IMPG1: variants seen among roughly 807,000 people sequenced by gnomAD.
The protein encoded by IMPG1 is interphotoreceptor matrix proteoglycan of 150 kDa.
In IMPG1, 85 loss-of-function variants were observed where a neutral mutation model predicts 92.0. That is an observed-to-expected ratio of 0.92 (90% CI 0.78 to 1.11). The LOEUF (loss-of-function observed/expected upper bound fraction) is 1.11, where lower values mean the gene tolerates loss of function less well. Among genes scored for constraint, IMPG1 ranks in the 50% least tolerant of loss-of-function variants. The probability of loss-of-function intolerance (pLI) is 0.00; values close to 1 mark genes in which losing one functional copy is unlikely to be tolerated. For synonymous variants in IMPG1, 367 were observed against 334.1 expected (o/e 1.10, Z -1.08); for missense variants, 1,022 against 956.0 (o/e 1.07, Z -0.91).
intron 12 of IMPG1, among the ~76,000 whole-genome samples, chr6:75,974,392 TTTTC>T (rs1216206301): frequency 1.7e-5 from 1 of 59,524 alleles, no homozygotes; most frequent in East Asian, 5.8e-4. Flanking sequence ...TCTTTCTTTC[TTTTC>T]TTTCTTTCCT....
intron 12 of IMPG1, among the ~76,000 whole-genome samples, chr6:75,982,595 ATGTGTGT>A (rs2149470106): frequency 6.7e-6 from 1 of 149,824 alleles, no homozygotes; most frequent in Non-Finnish European, 1.5e-5. Context: ...AGATATATAT[ATGTGTGT>A]GTATATATAT....
At chr6:76,053,637 T>G (rs1035734496) in intron 1 of IMPG1, among the ~76,000 whole-genome samples, 2 of 152,150 alleles carry the variant, frequency 1.3e-5, no homozygotes, top group African/African-American at 4.8e-5. Flanking sequence ...TTCCTGTGAT[T>G]GCTAAGAGTG....
intron 1 of IMPG1, among the ~76,000 whole-genome samples, chr6:76,057,645 C>T (rs1784142329): frequency 6.6e-6 from 1 of 152,016 alleles, no homozygotes; most frequent in African/African-American, 2.4e-5. Flanking sequence ...TTGCACATGC[C>T]TGGGGTTGAC....
At chr6:75,974,391 CTTTT>C (rs1562354804) in intron 12 of IMPG1, among the ~76,000 whole-genome samples, 109 of 54,770 alleles carry the variant, frequency 2.0e-3, no homozygotes, top group African/African-American at 6.3e-3. Context: ...TTCTTTCTTT[CTTTT>C]CTTTCTTTCC....
intron 2 of IMPG1, among the ~76,000 whole-genome samples, chr6:76,037,215 A>G (rs924997042): frequency 2.6e-5 from 4 of 152,220 alleles, no homozygotes; most frequent in Non-Finnish European, 5.9e-5. Context: ...CACTTATTCC[A>G]TGTCTGGATT....
intron 12 of IMPG1, among the ~76,000 whole-genome samples, chr6:75,970,382 A>C (rs1782391466): frequency 6.6e-6 from 1 of 151,722 alleles, no homozygotes; most frequent in Non-Finnish European, 1.5e-5. Context: ...ACTAAAGGCC[A>C]TTTTTCCAGT....
At chr6:75,929,331 G>C (rs1294300554) in intron 15 of IMPG1, among the ~76,000 whole-genome samples, 1 of 152,062 alleles carries the variant, frequency 6.6e-6, no homozygotes, top group African/African-American at 2.4e-5. Flanking sequence ...CCTGATGATA[G>C]TGAGATCCAG....
intron 12 of IMPG1, among the ~76,000 whole-genome samples, chr6:75,981,592 A>G (rs1396995408): frequency 6.6e-6 from 1 of 152,252 alleles, no homozygotes; most frequent in African/African-American, 2.4e-5. Flanking sequence ...CCTCATAAAA[A>G]GAGAACTGGT....
At chr6:75,975,590 T>G (rs1245363948) in intron 12 of IMPG1, among the ~76,000 whole-genome samples, 1 of 152,166 alleles carries the variant, frequency 6.6e-6, no homozygotes, top group Admixed American at 6.5e-5. Context: ...CAAGTGAATT[T>G]TGTCTAATGG....
At chr6:76,015,852 T>C (rs1783278136) in intron 7 of IMPG1, among the ~76,000 whole-genome samples, 1 of 148,578 alleles carries the variant, frequency 6.7e-6, no homozygotes, top group South Asian at 2.1e-4. Flanking sequence ...GACATGCCCA[T>C]TTGATGATGA....
intron 1 of IMPG1, among the ~76,000 whole-genome samples, chr6:76,067,196 A>C (rs1198281842): frequency 6.6e-6 from 1 of 151,960 alleles, no homozygotes; most frequent in Non-Finnish European, 1.5e-5. Flanking sequence ...TCAAAGGAGA[A>C]CTAAATGAAA....
chr6:75,994,716 G>A (rs1252005728), intron 12 of IMPG1, among the ~76,000 whole-genome samples: 1 of 152,174 alleles, frequency 6.6e-6, no homozygotes, highest in Non-Finnish European at 1.5e-5. Flanking sequence ...ACCTCTGGGT[G>A]GGTCCCTCCC....
At chr6:76,010,535 A>G (rs896735573) in intron 8 of IMPG1, among the ~76,000 whole-genome samples, 2 of 152,168 alleles carry the variant, frequency 1.3e-5, no homozygotes, top group East Asian at 1.9e-4. Flanking sequence ...TTAGTGTGGC[A>G]CTATCTTATG....
chr6:76,070,901 G>C (rs532384538), intron 1 of IMPG1, among the ~76,000 whole-genome samples: 1 of 151,878 alleles, frequency 6.6e-6, no homozygotes, highest in Non-Finnish European at 1.5e-5. Flanking sequence ...TTACACTAAA[G>C]CCCAGATTTC....
rs1054929654 is a variant in IMPG1, at chr6:75,956,206, G to T, written c.1292-5112C>A. ...CCTCTTTGTACCTCTGGTAGAATTT[G>T]GTTGTGAATCCATCCAGTCCTGGGC... On this transcript the variant is annotated intron_variant, in intron 12 of 16. Coordinates refer to ENST00000369950, the MANE Select transcript of IMPG1 (RefSeq NM_001563.4). 3.9e-5 allele frequency among the ~76,000 whole-genome samples: 6 copies of T among 152,182 alleles called. 1 individual carries two copies. The South Asian group carries it at 1.0e-3, about 26-fold the overall frequency.
intron 8 of IMPG1, among the ~76,000 whole-genome samples, chr6:76,008,292 C>T (rs1021898428): frequency 6.6e-6 from 1 of 152,136 alleles, no homozygotes; most frequent in African/African-American, 2.4e-5. Context: ...CATTTAGTCA[C>T]CAAACTGATG....
chr6:75,974,404 C>CCTTCCTTCCTTCCTTGCTTG (rs1562354939), intron 12 of IMPG1, among the ~76,000 whole-genome samples: 6 of 108,014 alleles, frequency 5.6e-5, no homozygotes, highest in Admixed American at 5.5e-4. Context: ...TTCTTTCTTT[C>CCTTCCTTCCTTCCTTGCTTG]CTTCCTTCCT....
Position 76,002,944 on chromosome 6 carries a change from A to G in IMPG1, c.1265T>C (p.Val422Ala). ...LPPVEPQLET[V>A]DGAEHGLPDT... ...AGGTAGACCATGCTCTGCTCCGTCCACTGTCTCAAGCTGGGGTTCAACAGG... is the reference window on the plus strand; with the variant it reads ...AGGTAGACCATGCTCTGCTCCGTCCGCTGTCTCAAGCTGGGGTTCAACAGG... Residue 422 changes from valine to alanine, a missense_variant, in exon 12 of 17, where the codon GTG becomes GCG. Around this residue, in one of 3 missense-constraint regions of IMPG1, gnomAD observed 681 missense variants for 583.6 expected, o/e 1.17. Coordinates refer to ENST00000369950, the MANE Select transcript of IMPG1 (RefSeq NM_001563.4). The G allele has an allele frequency of 6.2e-7, 1 of 1,613,730 alleles. No homozygotes were observed. The highest frequency in any genetic ancestry group is 8.5e-7 in the Non-Finnish European group (1 of 1,179,692).
At chr6:75,965,892 C>T (rs1391161493) in intron 12 of IMPG1, among the ~76,000 whole-genome samples, 2 of 152,214 alleles carry the variant, frequency 1.3e-5, no homozygotes, top group Non-Finnish European at 1.5e-5. Context: ...CAGGCATGAG[C>T]CACCACGCCC....
Sources: allele counts gnomAD v4.1 joint callset (sites outside exome capture counted in the v4.1 genomes callset), GRCh38; gene constraint gnomAD v4.1.1; regional missense constraint gnomAD v4.1.1; transcripts MANE v1.5; gene names NCBI Gene and HGNC (gene_info 2026-07-23, HGNC 2026-07-21).